The following CD38 variants were observed in gnomAD, a reference collection of about 807,000 sequenced individuals.
The protein encoded by CD38 is ADP-ribosyl cyclase/cyclic ADP-ribose hydrolase 1.
Under a neutral mutation model 36.3 loss-of-function variants are expected in CD38, and 31 were observed. That is an observed-to-expected ratio of 0.85 (90% CI 0.64 to 1.15). The LOEUF is 1.15. Among genes scored for constraint, CD38 ranks in the 50% most tolerant of loss-of-function variants. The pLI, the probability that CD38 is intolerant of heterozygous loss-of-function variation, is 0.00. For missense variants in CD38, 380 were observed against 371.9 expected (o/e 1.02, Z -0.18); for synonymous variants, 131 against 135.2 (o/e 0.97, Z 0.22).
At chr4:15,826,459 G>GCACGCGCACACACA (rs1222637407) in intron 3 of CD38, among the ~76,000 whole-genome samples, 20 of 146,448 alleles carry the variant, frequency 1.4e-4, no homozygotes, top group East Asian at 1.2e-3. Flanking sequence ...ACTTTTGTGC[G>GCACGCGCACACACA]CACACACACA....
Position 15,850,892 on chromosome 4 carries a change from T to C in CD38, c.*2290T>C, listed in dbSNP as rs1012678746. On this transcript the variant is annotated 3_prime_UTR_variant, in exon 8 of 8. Transcript: ENST00000226279. ...CTGCTGTTTTCCTCTTAAGATCCTT[T>C]CCACTTTGGTTGCTGCTTTCGGGAC... is the stretch of plus-strand genomic sequence containing the variant. 1.3e-5 allele frequency: 2 copies of C among 152,232 alleles called. No individual in the cohort carries two copies. The highest frequency in any genetic ancestry group is 2.9e-5 in the Non-Finnish European group (2 of 68,068). The allele number at this position is 152,232 out of a possible 1,614,324, so 9.4% of individuals were successfully genotyped here. A position where few individuals can be genotyped will look rare whatever the true frequency, so the allele number is the denominator to read the frequency against.
intron 1 of CD38, among the ~76,000 whole-genome samples, chr4:15,782,119 A>G (rs746077091): frequency 8.5e-5 from 13 of 152,088 alleles, no homozygotes; most frequent in Non-Finnish European, 1.6e-4. Context: ...TGGCCTCTCC[A>G]TATGGTCTCT....
intron 1 of CD38, among the ~76,000 whole-genome samples, chr4:15,792,443 A>T (rs1184139850): frequency 2.0e-5 from 3 of 149,964 alleles, no homozygotes; most frequent in Non-Finnish European, 3.0e-5. Flanking sequence ...AAAATAAAAA[A>T]AAGGAATGAA....
In CD38 at chr4:15,832,872, A is replaced by G. The variant is rs141069869; in HGVS notation, c.500-1345A>G. 2.8e-3 allele frequency among the ~76,000 whole-genome samples: 426 copies of G among 152,308 alleles called. 1 individual carries two copies. The highest frequency in any genetic ancestry group is 0.01 in the South Asian group (50 of 4,828). On this transcript the variant is annotated intron_variant, in intron 3 of 7. Coordinates refer to ENST00000226279, the MANE Select transcript of CD38 (RefSeq NM_001775.4). ...AGGTGCCATCCAGAAGCCAGGGACT[A>G]GAGTAAAAAACCTTAGAAGTCTACC...
intron 1 of CD38, among the ~76,000 whole-genome samples, chr4:15,795,712 A>G (rs10939635): frequency 0.44 from 66,975 of 151,944 alleles, 17,136 homozygotes; most frequent in African/African-American, 0.72. Flanking sequence ...TTTCTATTAT[A>G]CGATGTTTTA....
At chr4:15,821,339 C>T (rs1416014133) in intron 2 of CD38, among the ~76,000 whole-genome samples, 2 of 150,846 alleles carry the variant, frequency 1.3e-5, no homozygotes, top group Non-Finnish European at 2.9e-5. Context: ...TAACCAAGCT[C>T]AGAGCAGAAC....
chr4:15,798,889 C>T (rs1391377363), intron 1 of CD38, among the ~76,000 whole-genome samples: 1 of 152,050 alleles, frequency 6.6e-6, no homozygotes, highest in Non-Finnish European at 1.5e-5. Context: ...TTTGCTTGTT[C>T]TTATGTTGAA....
chr4:15,788,195 G>C (rs192976457), intron 1 of CD38, among the ~76,000 whole-genome samples: 2 of 152,168 alleles, frequency 1.3e-5, no homozygotes, highest in African/African-American at 2.4e-5. Context: ...GGCACTCCTA[G>C]TACTGTGCCC....
intron 2 of CD38, among the ~76,000 whole-genome samples, chr4:15,820,343 A>G (rs979938673): frequency 6.6e-6 from 1 of 152,210 alleles, no homozygotes; most frequent in Non-Finnish European, 1.5e-5. Flanking sequence ...CACACATAAC[A>G]AATTAACCTT....
intron 2 of CD38, among the ~76,000 whole-genome samples, chr4:15,823,234 T>C (rs1223395789): frequency 6.6e-6 from 1 of 151,980 alleles, no homozygotes; most frequent in Non-Finnish European, 1.5e-5. Context: ...TAGAAGAAAA[T>C]CTAGGCAATA....
At chr4:15,786,181 G>C (rs1252251853) in intron 1 of CD38, among the ~76,000 whole-genome samples, 1 of 152,242 alleles carries the variant, frequency 6.6e-6, no homozygotes, top group East Asian at 1.9e-4. Flanking sequence ...AGCTTCCCCA[G>C]TGTAGAAGTG....
chr4:15,834,157 A>C, intron 3 of CD38, 60 bp from the exon 4 acceptor site: 1 of 1,069,070 alleles, frequency 9.4e-7, no homozygotes, highest in South Asian at 1.3e-5. Flanking sequence ...GCCAGGGAAG[A>C]GTACAGCTTA....
At chr4:15,804,330 G>T (rs950897226) in intron 1 of CD38, among the ~76,000 whole-genome samples, 1 of 152,180 alleles carries the variant, frequency 6.6e-6, no homozygotes, top group Non-Finnish European at 1.5e-5. Flanking sequence ...TGGTAGGAAT[G>T]TAAATTAGTA....
chr4:15,822,971 T>A (rs1407918412), intron 2 of CD38, among the ~76,000 whole-genome samples: 1 of 151,908 alleles, frequency 6.6e-6, no homozygotes. Context: ...ATGGTACTTG[T>A]ACAAAAATAA....
In CD38 at chr4:15,778,719, C is replaced by T. The variant is rs1722616501; in HGVS notation, c.233+72C>T. The T allele has an allele frequency of 2.8e-6, 3 of 1,079,152 alleles. No homozygotes were observed. Among genetic ancestry groups the T allele is most frequent in the African/African-American group, 3.1e-5 (2 of 63,956 alleles). 66.8% of individuals were successfully genotyped at this position (1,079,152 alleles called of 1,614,324 possible). ...GGGCCCCGCGCGCAGGGAAGCCGCC[C>T]GGATCGCCCGGAACCGGGCATCTTC... On this transcript the variant is annotated intron_variant, in intron 1 of 7. Transcript: ENST00000226279. The surrounding 1 kb of genome is among the most constrained non-coding windows in gnomAD (Gnocchi z 4.9).
rs28547976 is a variant in CD38, at chr4:15,780,526, A to T, written c.233+1879A>T. Among the ~76,000 whole-genome samples the T allele has an allele frequency of 4.4e-4, 61 of 139,366 alleles. No homozygotes were observed. In the East Asian group the frequency reaches 7.1e-3, roughly 16 times the overall value. 91.4% of individuals were successfully genotyped at this position (139,366 alleles called of 152,430 possible). A position where few individuals can be genotyped will look rare whatever the true frequency, so the allele number is the denominator to read the frequency against. On this transcript the variant is annotated intron_variant, in intron 1 of 7. Transcript: ENST00000226279. ...AGATAATATTCTCTCTCTCACACAC[A>T]CACACACACACACACACACACACAC... is the stretch of plus-strand genomic sequence containing the variant.
chr4:15,793,073 C>T (rs990331627), intron 1 of CD38, among the ~76,000 whole-genome samples: 3 of 152,042 alleles, frequency 2.0e-5, no homozygotes, highest in African/African-American at 7.2e-5. Context: ...CCTCTATTCC[C>T]TTTATTATCT....
At position 15,816,550 on chromosome 4, in the gene CD38, T is replaced by A. The variant is rs778769412; in HGVS notation, c.273T>A (p.Gly91=). 9.9e-6 allele frequency: 16 copies of A among 1,613,544 alleles called. No individual in the cohort carries two copies. The African/African-American group carries it at 2.0e-4, about 20-fold the overall frequency. Residue 91 remains glycine, a synonymous_variant, in exon 2 of 8, where the codon GGT becomes GGA. Coordinates refer to ENST00000226279, the MANE Select transcript of CD38 (RefSeq NM_001775.4). ...AAAGTGTATGGGATGCTTTCAAGGG[T>A]GCATTTATTTCAAAACATCCTTGCA... The part of the protein sequence containing the change: ...DCQSVWDAFK[G]AFISKHPCNI...
At chr4:15,779,703 G>T (rs1291019358) in intron 1 of CD38, among the ~76,000 whole-genome samples, 1 of 152,028 alleles carries the variant, frequency 6.6e-6, no homozygotes, top group African/African-American at 2.4e-5. Flanking sequence ...ATACTTAATG[G>T]AGAGAGAAAC....
Sources: gnomAD v4.1 joint callset for allele counts (sites outside exome capture counted in the v4.1 genomes callset) on GRCh38, gnomAD v4.1.1 for gene constraint, Gnocchi (gnomAD v3.1) non-coding constraint, MANE v1.5 for transcripts, NCBI Gene and HGNC (gene_info 2026-07-23, HGNC 2026-07-21) for gene names.